Variants in GMEB1 observed in about 807,000 individuals in gnomAD.
The protein encoded by GMEB1 is glucocorticoid modulatory element-binding protein 1.
In GMEB1, 6 loss-of-function variants were observed where a neutral mutation model predicts 52.4. The ratio of observed to expected loss-of-function variants is 0.11; its 90% CI spans 0.06 to 0.23. The LOEUF (loss-of-function observed/expected upper bound fraction) is 0.23. Ranked by LOEUF, GMEB1 falls within the 10% of genes least tolerant of loss-of-function variation. The pLI, the probability that GMEB1 is intolerant of heterozygous loss-of-function variation, is 1.00. For synonymous variants in GMEB1, 255 were observed against 244.9 expected (o/e 1.04, Z -0.38); for missense variants, 486 against 685.6 (o/e 0.71, Z 3.25).
Position 28,690,203 on chromosome 1 carries a change from GTTTTTTTTTT to G in GMEB1, c.211+29_211+38del, listed in dbSNP as rs878890649. Reference sequence around the variant, plus strand: ...AAGGGATTGGTAAGGGTTTTTTTGTGTTTTTTTTTTTTTTTTTTTTTGTCATTCTAATACC... The same window carrying G: ...AAGGGATTGGTAAGGGTTTTTTTGTGTTTTTTTTTTTGTCATTCTAATACC... On this transcript the variant is annotated intron_variant, in intron 3 of 9. Coordinates refer to ENST00000373816, the MANE Select transcript of GMEB1 (RefSeq NM_001319674.2). 1.4e-5 allele frequency: 7 copies of G among 513,944 alleles called. No homozygotes were observed. The highest frequency in any genetic ancestry group is 2.2e-5 in the Non-Finnish European group (7 of 319,040). The allele number at this position is 513,944 out of a possible 1,614,324, so 31.8% of individuals were successfully genotyped here. A position where few individuals can be genotyped will look rare whatever the true frequency, so the allele number is the denominator to read the frequency against.
chr1:28,691,594 C>G lies in GMEB1; in HGVS notation c.221C>G (p.Thr74Ser). ...TTTTTTCTGTTTTCAGATACAGGCA[C>G]TATAGAAGCAAATGAGGATATGGAA... ...HKIEEGIDTGTIEANEDMEIA... is the reference protein window; with the variant it reads ...HKIEEGIDTGSIEANEDMEIA... Residue 74 changes from threonine (T) to serine (S), a missense_variant, in exon 4 of 10, where the codon ACT (threonine) becomes AGT (serine). By Grantham distance (58) the Thr-to-Ser change is moderately conservative. Transcript: ENST00000373816. 1 of 1,555,028 alleles carries G rather than the reference C, an allele frequency of 6.4e-7. No homozygotes were observed. The highest frequency in any genetic ancestry group is 8.8e-7 in the Non-Finnish European group (1 of 1,141,038).
intron 3 of GMEB1, among the ~76,000 whole-genome samples, chr1:28,690,966 G>A (rs1437997070): frequency 2.0e-5 from 3 of 150,910 alleles, no homozygotes; most frequent in African/African-American, 7.3e-5. Flanking sequence ...GGCAACAAGA[G>A]CGAGACATCA....
At chr1:28,695,283 A>G (rs1026371899) in intron 5 of GMEB1, among the ~76,000 whole-genome samples, 2 of 151,656 alleles carry the variant, frequency 1.3e-5, no homozygotes, top group Non-Finnish European at 2.9e-5. Context: ...CCAAGGCTAG[A>G]GTGTAATGGC....
chr1:28,672,525 C>T (rs1668941995), intron 1 of GMEB1, among the ~76,000 whole-genome samples: 1 of 151,300 alleles, frequency 6.6e-6, no homozygotes, highest in Admixed American at 6.6e-5. Flanking sequence ...GCCCGGCCTA[C>T]TTTTTTAAGT....
At chr1:28,711,386 A>G (rs1671054868) in intron 9 of GMEB1, among the ~76,000 whole-genome samples, 1 of 151,460 alleles carries the variant, frequency 6.6e-6, no homozygotes, top group South Asian at 2.1e-4. Context: ...TTCTTCAGAT[A>G]TTTTTAATCA....
At chr1:28,668,768 G>T (rs1052981138), upstream of GMEB1, 2 of 152,008 alleles carry the variant, frequency 1.3e-5, no homozygotes, top group Admixed American at 6.6e-5. Flanking sequence ...GGTAGCTGCC[G>T]TGGCGGCCTC....
intron 9 of GMEB1, among the ~76,000 whole-genome samples, chr1:28,711,810 G>A (rs1671073069): frequency 6.6e-6 from 1 of 152,112 alleles, no homozygotes; most frequent in Admixed American, 6.6e-5. Flanking sequence ...GAACACTTCT[G>A]TAATCAGATG....
intron 1 of GMEB1, among the ~76,000 whole-genome samples, chr1:28,674,649 C>T (rs546500795): frequency 8.1e-4 from 123 of 151,394 alleles, no homozygotes; most frequent in African/African-American, 2.7e-3. Flanking sequence ...ACTGCCTGGT[C>T]CTCCCAAAGT....
chr1:28,702,947 C>T (rs538128677), intron 7 of GMEB1, among the ~76,000 whole-genome samples: 5 of 152,010 alleles, frequency 3.3e-5, no homozygotes, highest in East Asian at 1.9e-4. Context: ...CCCAGCTACT[C>T]GGGAGCTTGC....
At chr1:28,708,771 G>A (rs1386516999) in intron 8 of GMEB1, among the ~76,000 whole-genome samples, 4 of 152,028 alleles carry the variant, frequency 2.6e-5, no homozygotes, top group Admixed American at 2.6e-4. Flanking sequence ...TGAAGCAGGT[G>A]AATCACTTGA....
Position 28,697,077 on chromosome 1 carries a change from G to T in GMEB1, c.591G>T (p.Ser197=). The T allele has an allele frequency of 6.2e-7, 1 of 1,601,912 alleles. No homozygotes were observed. The part of the protein sequence containing the change: ...QQTSVVQTPT[S]ADGSITQIAI... ...CAAGTGTGGTGCAGACACCCACTTC[G>T]GCTGATGGTAGGGGGTAGGAAACCA... is the stretch of plus-strand genomic sequence containing the variant. Residue 197 remains serine, a synonymous_variant, in exon 6 of 10, where the codon TCG becomes TCT. Coordinates refer to ENST00000373816, the MANE Select transcript of GMEB1 (RefSeq NM_001319674.2).
intron 9 of GMEB1, 70 bp from the exon 10 acceptor site, chr1:28,714,003 C>T (rs1038991600): frequency 8.8e-7 from 1 of 1,141,456 alleles, no homozygotes; most frequent in African/African-American, 1.5e-5. Context: ...CACCAGGTCT[C>T]CTGACTCTCA....
intron 6 of GMEB1, among the ~76,000 whole-genome samples, chr1:28,698,906 C>G (rs1329624270): frequency 6.6e-6 from 1 of 152,068 alleles, no homozygotes; most frequent in African/African-American, 2.4e-5. Flanking sequence ...ATTGCTTGAA[C>G]CCAGGAGGTG....
At chr1:28,711,819 T>C (rs1473059915) in intron 9 of GMEB1, among the ~76,000 whole-genome samples, 2 of 152,140 alleles carry the variant, frequency 1.3e-5, no homozygotes, top group Non-Finnish European at 2.9e-5. Context: ...TGTAATCAGA[T>C]GTGTAGGGGT....
chr1:28,672,989 G>A (rs922405962), intron 1 of GMEB1, among the ~76,000 whole-genome samples: 1 of 151,528 alleles, frequency 6.6e-6, no homozygotes, highest in Non-Finnish European at 1.5e-5. Context: ...TCTGCCTCCC[G>A]GGTTCAAGTG....
intron 5 of GMEB1, among the ~76,000 whole-genome samples, chr1:28,695,359 A>G (rs1045311154): frequency 6.6e-6 from 1 of 151,620 alleles, no homozygotes; most frequent in Non-Finnish European, 1.5e-5. Context: ...CAGCCTCCCA[A>G]ATAGCTGGGA....
At chr1:28,708,197 C>G (rs1174634375) in intron 8 of GMEB1, among the ~76,000 whole-genome samples, 1 of 152,170 alleles carries the variant, frequency 6.6e-6, no homozygotes, top group Admixed American at 6.6e-5. Flanking sequence ...CCACACCTCG[C>G]TCTATCACCC....
intron 8 of GMEB1, among the ~76,000 whole-genome samples, chr1:28,709,319 A>T (rs987780995): frequency 9.2e-5 from 14 of 152,072 alleles, no homozygotes; most frequent in African/African-American, 2.9e-4. Flanking sequence ...AAAGAAAAAA[A>T]TAATAAAAAT....
At chr1:28,691,882 A>G (rs1480464488) in intron 4 of GMEB1, among the ~76,000 whole-genome samples, 173 bp downstream of exon 4, 1 of 151,664 alleles carries the variant, frequency 6.6e-6, no homozygotes, top group Non-Finnish European at 1.5e-5. Flanking sequence ...GTCACAATAG[A>G]AAAAATAAGA....
Sources: gnomAD v4.1 joint callset for allele counts (sites outside exome capture counted in the v4.1 genomes callset) on GRCh38, gnomAD v4.1.1 for gene constraint, MANE v1.5 for transcripts, NCBI Gene and HGNC (gene_info 2026-07-23, HGNC 2026-07-21) for gene names.